CCNH: variants seen among roughly 807,000 people sequenced by gnomAD.
CCNH encodes cyclin H, also known as cyclin-H.
Under a neutral mutation model 41.9 loss-of-function variants are expected in CCNH, and 31 were observed. The ratio of observed to expected loss-of-function variants is 0.74; its 90% confidence interval spans 0.56 to 1.00. The LOEUF (loss-of-function observed/expected upper bound fraction) is 1.00, where lower values mean the gene tolerates loss of function less well. Ranked by LOEUF, CCNH falls within the 50% of genes least tolerant of loss-of-function variation. The pLI, the probability that CCNH is intolerant of heterozygous loss-of-function variation, is 0.00. For synonymous variants in CCNH, 138 were observed against 136.1 expected (o/e 1.01, Z -0.10); for missense variants, 362 against 388.4 (o/e 0.93, Z 0.57).
chr5:87,350,726 A>G (rs943137025), intron 9 of CCNH, among the ~76,000 whole-genome samples: 1 of 151,646 alleles, frequency 6.6e-6, no homozygotes, highest in East Asian at 1.9e-4. Flanking sequence ...GATTAAAAAA[A>G]AAAAGTTAAA....
At chr5:87,392,378 C>T (rs1762589275), downstream of CCNH, 1 of 455,204 alleles carries the variant, frequency 2.2e-6, no homozygotes, top group Admixed American at 2.4e-5. Context: ...CACCGTTTAA[C>T]ACTGATACCA....
chr5:87,370,838 C>T (rs1413354556), intron 9 of CCNH, among the ~76,000 whole-genome samples: 1 of 152,140 alleles, frequency 6.6e-6, no homozygotes, highest in Non-Finnish European at 1.5e-5. Flanking sequence ...GGAAGATGCT[C>T]TTAAAACTAG....
At chr5:87,379,315 C>T (rs111845289), upstream of CCNH, among the ~76,000 whole-genome samples, 2 of 152,084 alleles carry the variant, frequency 1.3e-5, no homozygotes, top group Non-Finnish European at 1.5e-5. Context: ...AGATAGGCTA[C>T]GGAATTCCGA....
chr5:87,313,058 G>A, the CCNH span, among the ~76,000 whole-genome samples: 2 of 152,134 alleles, frequency 1.3e-5, no homozygotes, highest in East Asian at 1.9e-4. Flanking sequence ...CTGAACAGGC[G>A]TCTTACAAAT....
At chr5:87,378,261 A>G (rs1246216208), upstream of CCNH, 3 of 942,078 alleles carry the variant, frequency 3.2e-6, no homozygotes, top group Non-Finnish European at 5.1e-6. Flanking sequence ...TGTAATTAGT[A>G]CTTTCAACGC....
intron 8 of CCNH, 163 bp from the exon 9 acceptor site, chr5:87,394,647 GGTCTC>G: frequency 7.0e-7 from 1 of 1,425,618 alleles, no homozygotes. Flanking sequence ...ATGTTGGCAT[GGTCTC>G]ACCAGACTCC....
chr5:87,322,654 T>G (rs1756915802), intron 9 of CCNH, among the ~76,000 whole-genome samples: 1 of 152,184 alleles, frequency 6.6e-6, no homozygotes, highest in African/African-American at 2.4e-5. Flanking sequence ...CCATGCTTCC[T>G]CTATAGTCCT....
rs150775288 is a variant in CCNH at position 87,409,188 on chromosome 5, TTCTC to T, written c.314+98_314+101del. 1.4e-4 allele frequency: 82 copies of T among 572,708 alleles called. 1 individual carries two copies. Among genetic ancestry groups the T allele is most frequent in the South Asian group, 4.2e-4 (15 of 35,398 alleles). The allele number at this position is 572,708 out of a possible 1,614,324, so 35.5% of individuals were successfully genotyped here. Reference sequence around the variant, plus strand: ...AAATTACCCTGTATTAGGAAGTCAGTTCTCTCTCTCTCTCTCTCACAATTCTCTC... The same window carrying T: ...AAATTACCCTGTATTAGGAAGTCAGTTCTCTCTCTCTCTCACAATTCTCTC... On this transcript the variant is annotated intron_variant, in intron 3 of 8. Coordinates refer to ENST00000256897, the MANE Select transcript of CCNH (RefSeq NM_001239.4).
chr5:87,392,376 A>T (rs1325564853), downstream of CCNH: 2 of 455,314 alleles, frequency 4.4e-6, no homozygotes, highest in Non-Finnish European at 8.8e-6. Flanking sequence ...ATCACCGTTT[A>T]ACACTGATAC....
At position 87,346,824 on chromosome 5, in the gene CCNH, G is replaced by A. The variant is rs1161113228; in HGVS notation, c.*91-27927C>T. The A allele has an allele frequency of 9.6e-6, 8 of 830,816 alleles. No individual in the cohort carries two copies. In the East Asian group the frequency reaches 2.1e-4, roughly 22 times the overall value. The allele number at this position is 830,816 out of a possible 1,614,324, so 51.5% of individuals were successfully genotyped here. ...GTTTTGCCTTTAGCATTCAGTTAGT[G>A]TTTATGCATGTTATAATTTCGTGTC... is the stretch of plus-strand genomic sequence containing the variant. On this transcript the variant is annotated intron_variant and NMD_transcript_variant, in intron 9 of 9. Transcript: ENST00000645953.
chr5:87,355,432 T>G (rs1240971094), intron 9 of CCNH, among the ~76,000 whole-genome samples: 1 of 152,204 alleles, frequency 6.6e-6, no homozygotes, highest in East Asian at 1.9e-4. Flanking sequence ...ATAGCCCATC[T>G]GTTTACAGCA....
chr5:87,399,447 C>G lies in CCNH; in HGVS notation c.819G>C (p.Leu273=). 1 of 1,614,014 alleles carries G rather than the reference C, an allele frequency of 6.2e-7. No homozygotes were observed. The highest frequency in any genetic ancestry group is 8.5e-7 in the Non-Finnish European group (1 of 1,179,922). ...EPPRSEEVAV[L]KQKLERCHSA... ...AATGACATCGCTCCAACTTCTGTTT[C>G]AGAACAGCAACTTCTTCAGATCTGG... Residue 273 remains leucine, a synonymous_variant, in exon 7 of 9, where the codon CTG becomes CTC. Transcript: ENST00000256897.
intron 9 of CCNH, among the ~76,000 whole-genome samples, chr5:87,368,862 T>C (rs1343919056): frequency 1.3e-5 from 2 of 152,174 alleles, no homozygotes; most frequent in African/African-American, 4.8e-5. Context: ...CTTTGGTTGT[T>C]CTCCAGTGCT....
chr5:87,403,779 C>G (rs199919203), intron 5 of CCNH, among the ~76,000 whole-genome samples: 1 of 151,624 alleles, frequency 6.6e-6, no homozygotes, highest in East Asian at 1.9e-4. Context: ...GATGCTGTCT[C>G]AAAAAAAATA....
chr5:87,377,850 C>T (rs1761431384), upstream of CCNH, among the ~76,000 whole-genome samples: 1 of 152,170 alleles, frequency 6.6e-6, no homozygotes, highest in South Asian at 2.1e-4. Context: ...TTTTCCTCCT[C>T]ATCACAAAAT....
At chr5:87,332,765 A>C in intron 9 of CCNH, 1 of 1,026,842 alleles carries the variant, frequency 9.7e-7, no homozygotes, top group Non-Finnish European at 1.4e-6. Context: ...TTAAATTTTA[A>C]TTCGGGTTAT....
chr5:87,352,633 A>G (rs1204696078), intron 9 of CCNH, among the ~76,000 whole-genome samples: 2 of 151,754 alleles, frequency 1.3e-5, no homozygotes, highest in African/African-American at 2.4e-5. Flanking sequence ...TATAGTGATA[A>G]TCCTACATGT....
At chr5:87,395,166 A>G (rs1762840282) in intron 7 of CCNH, 62 bp from the exon 8 acceptor site, 13 of 1,462,650 alleles carry the variant, frequency 8.9e-6, no homozygotes, top group Non-Finnish European at 1.2e-5. Context: ...TAAAATGTAA[A>G]ATAAACTAGC....
intron 9 of CCNH, among the ~76,000 whole-genome samples, chr5:87,329,620 T>C (rs1415597039): frequency 6.6e-6 from 1 of 152,224 alleles, no homozygotes; most frequent in African/African-American, 2.4e-5. Flanking sequence ...TTTTTCATCT[T>C]GACACTACCT....
Sources: allele counts gnomAD v4.1 joint callset (sites outside exome capture counted in the v4.1 genomes callset), GRCh38; gene constraint gnomAD v4.1.1; transcripts MANE v1.5; gene names NCBI Gene and HGNC (gene_info 2026-07-23, HGNC 2026-07-21).